GRIA1: variants seen among roughly 807,000 people sequenced by gnomAD.
The protein encoded by GRIA1 is glutamate ionotropic receptor AMPA type subunit 1.
GRIA1 carries 31 observed loss-of-function variants against 99.2 expected under a neutral mutation model. The observed-to-expected ratio is 0.31, with a 90% CI of 0.23 to 0.42. GRIA1 has a LOEUF of 0.42. Ranked by LOEUF, GRIA1 falls within the 10% of genes least tolerant of loss-of-function variation. The pLI, the probability that GRIA1 is intolerant of heterozygous loss-of-function variation, is 1.00. For missense variants in GRIA1, 782 were observed against 1,157.5 expected (o/e 0.68, Z 4.71); for synonymous variants, 438 against 432.4 (o/e 1.01, Z -0.16).
intron 14 of GRIA1, 24 bp downstream of exon 14, chr5:153,794,759 A>C (rs1372607045): frequency 7.0e-7 from 1 of 1,431,420 alleles, no homozygotes; most frequent in African/African-American, 1.4e-5. Flanking sequence ...AGAAAAAAAA[A>C]AACCTAGTGG....
chr5:153,548,353 T>C (rs1399145947), intron 2 of GRIA1, among the ~76,000 whole-genome samples: 1 of 152,166 alleles, frequency 6.6e-6, no homozygotes, highest in Non-Finnish European at 1.5e-5. Flanking sequence ...AAAAATCTTC[T>C]CAATTGTGAA....
At chr5:153,763,152 C>T (rs1473780009) in intron 11 of GRIA1, among the ~76,000 whole-genome samples, 1 of 152,176 alleles carries the variant, frequency 6.6e-6, no homozygotes, top group Non-Finnish European at 1.5e-5. Flanking sequence ...GGAGTAAACC[C>T]TGTCTGCCTA....
intron 10 of GRIA1, among the ~76,000 whole-genome samples, chr5:153,703,770 T>C (rs777605130): frequency 2.0e-5 from 3 of 152,158 alleles, no homozygotes; most frequent in South Asian, 4.1e-4. Context: ...ATCAATGATT[T>C]CCAGTCTATG....
At chr5:153,727,480 G>C (rs1253432865) in intron 11 of GRIA1, among the ~76,000 whole-genome samples, 1 of 152,164 alleles carries the variant, frequency 6.6e-6, no homozygotes, top group East Asian at 1.9e-4. Flanking sequence ...TGTATATCTA[G>C]AAAACCCCAT....
At chr5:153,719,402 T>A (rs1003230967) in intron 11 of GRIA1, among the ~76,000 whole-genome samples, 2 of 152,000 alleles carry the variant, frequency 1.3e-5, no homozygotes, top group African/African-American at 4.8e-5. Flanking sequence ...TCTGCTTGTA[T>A]CTGGAGCCTT....
chr5:153,503,580 C>G (rs893828244), intron 2 of GRIA1, among the ~76,000 whole-genome samples: 1 of 152,162 alleles, frequency 6.6e-6, no homozygotes, highest in African/African-American at 2.4e-5. Context: ...ATAAATGAAT[C>G]TATTTTATGG....
At chr5:153,802,744 G>A (rs1037827303) in intron 15 of GRIA1, among the ~76,000 whole-genome samples, 1 of 152,310 alleles carries the variant, frequency 6.6e-6, no homozygotes, top group Admixed American at 6.5e-5. Context: ...CAGTGAGATT[G>A]AAGGCTAGTG....
chr5:153,546,152 G>A (rs550982195), intron 2 of GRIA1, among the ~76,000 whole-genome samples: 23 of 152,296 alleles, frequency 1.5e-4, no homozygotes, highest in Middle Eastern at 3.4e-3. Flanking sequence ...TTAGATGTTC[G>A]TATGATTGAC....
chr5:153,794,884 A>G, intron 14 of GRIA1, 149 bp downstream of exon 14: 1 of 617,960 alleles, frequency 1.6e-6, no homozygotes, highest in Non-Finnish European at 2.9e-6. Flanking sequence ...GGTTGAGTAG[A>G]AGTAGCATCA....
intron 2 of GRIA1, among the ~76,000 whole-genome samples, chr5:153,551,319 C>T (rs990866474): frequency 2.6e-5 from 4 of 151,046 alleles, no homozygotes; most frequent in Admixed American, 6.6e-5. Flanking sequence ...TGATATTATT[C>T]ATTGGAATAA....
rs957744455 is a variant in GRIA1, at chr5:153,737,290, T to C, written c.1824-27144T>C. Among the ~76,000 whole-genome samples the C allele has an allele frequency of 6.7e-5, 5 of 74,080 alleles. No homozygotes were observed. In the Admixed American group the frequency reaches 8.5e-4, roughly 13 times the overall value. 48.6% of individuals were successfully genotyped at this position (74,080 alleles called of 152,430 possible). A position where few individuals can be genotyped will look rare whatever the true frequency, so the allele number is the denominator to read the frequency against. On this transcript the variant is annotated intron_variant, in intron 11 of 15. Coordinates refer to ENST00000285900, the MANE Select transcript of GRIA1 (RefSeq NM_000827.4). ...CTGGGGACGTGTCTGGCAACCCCGGTAAAAAAAAAAAAAAAAAAAAAAAAA... is the reference window on the plus strand; with the variant it reads ...CTGGGGACGTGTCTGGCAACCCCGGCAAAAAAAAAAAAAAAAAAAAAAAAA...
Position 153,701,619 on chromosome 5 carries a change from C to CAAAAAAA in GRIA1, c.1452+2563_1452+2569dup, listed in dbSNP as rs70978504. ...CTGGGCGACAAAGCGAGACCCGTCT[C>CAAAAAAA]AAAAAAAAAAAAAAAAAAAAAAATA... On this transcript the variant is annotated intron_variant, in intron 10 of 15. Transcript: ENST00000285900. Among the ~76,000 whole-genome samples, 250 of 39,386 alleles carry CAAAAAAA rather than the reference C, an allele frequency of 6.3e-3. 27 individuals are homozygous for CAAAAAAA. Among genetic ancestry groups the CAAAAAAA allele is most frequent in the South Asian group, 0.022 (11 of 504 alleles). 25.8% of individuals were successfully genotyped at this position (39,386 alleles called of 152,430 possible).
intron 5 of GRIA1, among the ~76,000 whole-genome samples, chr5:153,661,779 G>C (rs1662216132): frequency 2.0e-5 from 3 of 152,178 alleles, no homozygotes; most frequent in South Asian, 4.1e-4. Context: ...AAGAAGTAGA[G>C]GTAGTAGGAA....
At chr5:153,721,720 G>T (rs1760084406) in intron 11 of GRIA1, among the ~76,000 whole-genome samples, 1 of 152,072 alleles carries the variant, frequency 6.6e-6, no homozygotes, top group Admixed American at 6.6e-5. Flanking sequence ...TTATTTTATA[G>T]TATTCCATTT....
At chr5:153,770,980 A>G (rs2964018) in intron 13 of GRIA1, among the ~76,000 whole-genome samples, 89,945 of 152,098 alleles carry the variant, frequency 0.59, 27,314 homozygotes, top group East Asian at 0.94. Context: ...AGATATAGAC[A>G]GTTTGGTAAA....
At chr5:153,569,757 G>A (rs1306217857) in intron 2 of GRIA1, among the ~76,000 whole-genome samples, 4 of 152,182 alleles carry the variant, frequency 2.6e-5, no homozygotes, top group Non-Finnish European at 5.9e-5. Context: ...GATTCCTGCA[G>A]ATAGGCATAA....
chr5:153,568,803 T>C (rs1761875457), intron 2 of GRIA1, among the ~76,000 whole-genome samples: 1 of 152,222 alleles, frequency 6.6e-6, no homozygotes, highest in African/African-American at 2.4e-5. Context: ...TATGGCTTTT[T>C]CTTGTCTTCA....
intron 3 of GRIA1, among the ~76,000 whole-genome samples, chr5:153,648,028 G>A (rs1011469163): frequency 3.9e-5 from 6 of 152,144 alleles, no homozygotes; most frequent in African/African-American, 1.2e-4. Context: ...ATTCACTACT[G>A]GTGTAAACAA....
intron 2 of GRIA1, among the ~76,000 whole-genome samples, chr5:153,527,961 A>G (rs1166412507): frequency 6.6e-6 from 1 of 152,216 alleles, no homozygotes; most frequent in Non-Finnish European, 1.5e-5. Context: ...TAGTGCACAC[A>G]ATTACCAACC....
Sources: allele counts gnomAD v4.1 joint callset (sites outside exome capture counted in the v4.1 genomes callset), GRCh38; gene constraint gnomAD v4.1.1; transcripts MANE v1.5; gene names NCBI Gene and HGNC (gene_info 2026-07-23, HGNC 2026-07-21).